The following ZNF804A variants were observed in gnomAD, a reference collection of about 807,000 sequenced individuals.
ZNF804A encodes zinc finger protein 804A.
In ZNF804A, 2 loss-of-function variants were observed where a neutral mutation model predicts 16.5. That is an observed-to-expected ratio of 0.12 (90% CI 0.05 to 0.38). ZNF804A has a LOEUF of 0.38. Ranked by LOEUF, ZNF804A falls within the 10% of genes least tolerant of loss-of-function variation. The pLI is 0.99. For missense variants in ZNF804A, 1,473 were observed against 1,390.7 expected (o/e 1.06, Z -0.94); for synonymous variants, 534 against 489.6 (o/e 1.09, Z -1.20).
chr2:184,668,261 ATCACT>A (rs1421487050), intron 1 of ZNF804A, among the ~76,000 whole-genome samples: 1 of 151,932 alleles, frequency 6.6e-6, no homozygotes, highest in Non-Finnish European at 1.5e-5. Context: ...TAACATATTC[ATCACT>A]TCACTTACCT....
chr2:184,731,663 A>G (rs1693523742), intron 1 of ZNF804A, among the ~76,000 whole-genome samples: 1 of 142,400 alleles, frequency 7.0e-6, no homozygotes, highest in South Asian at 2.2e-4. Flanking sequence ...TCAACCTCCT[A>G]GGCTCAAGTG....
intron 1 of ZNF804A, among the ~76,000 whole-genome samples, chr2:184,751,021 T>TA (rs2105758269): frequency 6.6e-6 from 1 of 151,660 alleles, no homozygotes; most frequent in South Asian, 2.1e-4. Context: ...CCCCTGTTTT[T>TA]AAGACAATAA....
At chr2:184,730,292 G>A (rs1034669766) in intron 1 of ZNF804A, among the ~76,000 whole-genome samples, 1 of 151,880 alleles carries the variant, frequency 6.6e-6, no homozygotes, top group Non-Finnish European at 1.5e-5. Context: ...CACACTCCTT[G>A]TCCCTGTGTA....
intron 1 of ZNF804A, among the ~76,000 whole-genome samples, chr2:184,816,122 CAG>C (rs1694979260): frequency 6.6e-6 from 1 of 152,034 alleles, no homozygotes; most frequent in African/African-American, 2.4e-5. Context: ...TAAAAGACTC[CAG>C]AGATTCCTTA....
At chr2:184,891,274 A>G (rs1574258871) in intron 2 of ZNF804A, among the ~76,000 whole-genome samples, 1 of 152,168 alleles carries the variant, frequency 6.6e-6, no homozygotes, top group African/African-American at 2.4e-5. Context: ...AATATTTACA[A>G]AGCTGCCTGG....
At chr2:184,913,108 T>C (rs1423845423) in intron 2 of ZNF804A, among the ~76,000 whole-genome samples, 2 of 152,134 alleles carry the variant, frequency 1.3e-5, no homozygotes, top group Non-Finnish European at 2.9e-5. Flanking sequence ...GTTTTTTAAA[T>C]GGTGTGAGGT....
chr2:184,804,120 T>G (rs1694766143), intron 1 of ZNF804A, among the ~76,000 whole-genome samples: 1 of 152,122 alleles, frequency 6.6e-6, no homozygotes, highest in South Asian at 2.1e-4. Flanking sequence ...CACCTCGGCC[T>G]CCCAAAGTGC....
intron 1 of ZNF804A, among the ~76,000 whole-genome samples, chr2:184,840,192 C>G (rs191299668): frequency 6.6e-5 from 10 of 152,212 alleles, no homozygotes; most frequent in African/African-American, 2.4e-4. Flanking sequence ...AGTTCGAGTC[C>G]AGCCTGACCA....
At chr2:184,734,761 T>C (rs186561466) in intron 1 of ZNF804A, among the ~76,000 whole-genome samples, 14 of 152,366 alleles carry the variant, frequency 9.2e-5, no homozygotes, top group African/African-American at 3.4e-4. Context: ...GGCAAAATGA[T>C]GCTGAAGTTT....
At chr2:184,792,394 GT>G (rs1694561801) in intron 1 of ZNF804A, among the ~76,000 whole-genome samples, 1 of 152,034 alleles carries the variant, frequency 6.6e-6, no homozygotes, top group African/African-American at 2.4e-5. Flanking sequence ...TTTCTAGTCT[GT>G]AATTCCGTAA....
intron 1 of ZNF804A, among the ~76,000 whole-genome samples, chr2:184,711,405 G>A (rs1322763052): frequency 6.6e-6 from 1 of 151,588 alleles, no homozygotes; most frequent in Non-Finnish European, 1.5e-5. Flanking sequence ...TTTAGATATT[G>A]ATCCTTTTTC....
At chr2:184,905,390 A>G (rs1159530525) in intron 2 of ZNF804A, among the ~76,000 whole-genome samples, 1 of 152,046 alleles carries the variant, frequency 6.6e-6, no homozygotes, top group East Asian at 1.9e-4. Flanking sequence ...CACATTTAGG[A>G]TAATCATATA....
chr2:184,699,674 TC>T (rs1306490654), intron 1 of ZNF804A, among the ~76,000 whole-genome samples: 1 of 152,062 alleles, frequency 6.6e-6, no homozygotes, highest in East Asian at 1.9e-4. Context: ...ATTGCAGAGA[TC>T]ACTGAGAGCA....
chr2:184,928,290 G>A (rs563562790), intron 2 of ZNF804A, among the ~76,000 whole-genome samples: 1 of 152,258 alleles, frequency 6.6e-6, no homozygotes, highest in African/African-American at 2.4e-5. Flanking sequence ...GCTGGGACCT[G>A]GAAAGAGGGT....
intron 1 of ZNF804A, among the ~76,000 whole-genome samples, chr2:184,801,798 C>T (rs1380214461): frequency 6.6e-6 from 1 of 152,140 alleles, no homozygotes; most frequent in African/African-American, 2.4e-5. Flanking sequence ...ACTTCTGATG[C>T]TTGCTTTGTC....
In ZNF804A at chr2:184,689,438, T is replaced by C. The variant is rs144417227; in HGVS notation, c.111+90368T>C. Among the ~76,000 whole-genome samples the C allele has an allele frequency of 9.0e-3, 1,371 of 152,194 alleles. 22 individuals are homozygous for C. The highest frequency in any genetic ancestry group is 0.032 in the African/African-American group (1,311 of 41,548). On this transcript the variant is annotated intron_variant, in intron 1 of 3. Coordinates refer to ENST00000302277, the MANE Select transcript of ZNF804A (RefSeq NM_194250.2). ...AAAGCATTATCTCTCTGAACTGTAGTTATTTCATCTACTAAAAATATACAC... is the reference window on the plus strand; with the variant it reads ...AAAGCATTATCTCTCTGAACTGTAGCTATTTCATCTACTAAAAATATACAC...
intron 1 of ZNF804A, among the ~76,000 whole-genome samples, chr2:184,685,295 G>A (rs1692610666): frequency 6.6e-6 from 1 of 151,980 alleles, no homozygotes; most frequent in Non-Finnish European, 1.5e-5. Flanking sequence ...AAGATGCCAG[G>A]AACTGCAGAG....
intron 1 of ZNF804A, among the ~76,000 whole-genome samples, chr2:184,612,676 C>A (rs1438416581): frequency 6.6e-6 from 1 of 152,140 alleles, no homozygotes; most frequent in Non-Finnish European, 1.5e-5. Flanking sequence ...CTCAGGTGAT[C>A]TGCCCACCTC....
chr2:184,715,166 T>C (rs1467037045), intron 1 of ZNF804A, among the ~76,000 whole-genome samples: 1 of 152,116 alleles, frequency 6.6e-6, no homozygotes, highest in Non-Finnish European at 1.5e-5. Context: ...AGATTCAAAA[T>C]AGCTTGGGGA....
Sources: gnomAD v4.1 joint callset for allele counts (sites outside exome capture counted in the v4.1 genomes callset) on GRCh38, gnomAD v4.1.1 for gene constraint, MANE v1.5 for transcripts, NCBI Gene and HGNC (gene_info 2026-07-23, HGNC 2026-07-21) for gene names.